Variants in DIP2C observed in about 807,000 individuals in gnomAD.
DIP2C encodes disco-interacting protein 2 homolog C.
Under a neutral mutation model 192.4 loss-of-function variants are expected in DIP2C, and 33 were observed. That is an observed-to-expected ratio of 0.17 (90% confidence interval 0.13 to 0.23). The LOEUF (loss-of-function observed/expected upper bound fraction) is 0.23, where lower values mean the gene tolerates loss of function less well. Among genes scored for constraint, DIP2C ranks in the 10% least tolerant of loss-of-function variants. The probability of loss-of-function intolerance (pLI) is 1.00; values close to 1 mark genes in which losing one functional copy is unlikely to be tolerated. For synonymous variants in DIP2C, 979 were observed against 864.1 expected (o/e 1.13, Z -2.33); for missense variants, 1,537 against 2,110.1 (o/e 0.73, Z 5.32).
intron 1 of DIP2C, among the ~76,000 whole-genome samples, chr10:608,047 A>G (rs1852629077): frequency 6.6e-6 from 1 of 151,312 alleles, no homozygotes; most frequent in African/African-American, 2.4e-5. Context: ...GAATATGCAC[A>G]AATGTTCATC....
At chr10:384,483 C>T in intron 15 of DIP2C, 63 bp downstream of exon 15, 1 of 1,530,618 alleles carries the variant, frequency 6.5e-7, no homozygotes, top group Non-Finnish European at 9.0e-7. Context: ...GGTGATCCAC[C>T]TGCTTTGGCC....
intron 1 of DIP2C, among the ~76,000 whole-genome samples, chr10:559,918 G>A (rs1445558267): frequency 6.6e-6 from 1 of 152,112 alleles, no homozygotes; most frequent in Non-Finnish European, 1.5e-5. Context: ...CAGGAATTCA[G>A]GGAGGTGTTC....
At chr10:354,503 C>A (rs1958979820) in intron 24 of DIP2C, among the ~76,000 whole-genome samples, 1 of 152,140 alleles carries the variant, frequency 6.6e-6, no homozygotes, top group Admixed American at 6.5e-5. Flanking sequence ...CATGAACGTA[C>A]CCAAATCATG....
chr10:286,219 G>A, intron 34 of DIP2C, 54 bp downstream of exon 34: 1 of 1,565,916 alleles, frequency 6.4e-7, no homozygotes. Flanking sequence ...GTCAAGGCAA[G>A]CCAAGGATAC....
chr10:484,712 A>G (rs2133544404), intron 2 of DIP2C: 2 of 1,538,894 alleles, frequency 1.3e-6, no homozygotes, highest in South Asian at 1.2e-5. Context: ...ACGGGATGGC[A>G]CTCGGCGGGT....
chr10:467,584 A>T (rs1970325807), intron 3 of DIP2C, among the ~76,000 whole-genome samples: 1 of 150,828 alleles, frequency 6.6e-6, no homozygotes, highest in Non-Finnish European at 1.5e-5. Context: ...AAAAAAAAGA[A>T]AATGTGGCAT....
chr10:481,070 G>A (rs529649558), intron 2 of DIP2C, among the ~76,000 whole-genome samples: 258 of 152,164 alleles, frequency 1.7e-3, no homozygotes, highest in African/African-American at 5.7e-3. Context: ...TCCCCAGCAC[G>A]TCTAGGAAGC....
intron 8 of DIP2C, among the ~76,000 whole-genome samples, chr10:411,324 C>T (rs919016169): frequency 6.6e-6 from 1 of 152,050 alleles, no homozygotes; most frequent in Non-Finnish European, 1.5e-5. Flanking sequence ...TGAGGCAGGA[C>T]GTGAAGGGAA....
chr10:337,518 TGTGC>T (rs1292307780), intron 29 of DIP2C, among the ~76,000 whole-genome samples: 1 of 141,144 alleles, frequency 7.1e-6, no homozygotes, highest in Non-Finnish European at 1.5e-5. Context: ...TCTGTGTGTG[TGTGC>T]GTGCGTGTGT....
At chr10:503,332 C>A (rs1845382119) in intron 1 of DIP2C, among the ~76,000 whole-genome samples, 4 of 152,158 alleles carry the variant, frequency 2.6e-5, no homozygotes, top group African/African-American at 9.7e-5. Context: ...ATAAACGTTC[C>A]AATTTAAAAA....
At position 689,187 on chromosome 10, in the gene DIP2C, G is replaced by A. The variant is rs1177622790; in HGVS notation, c.85+307C>T. Among the ~76,000 whole-genome samples the A allele has an allele frequency of 6.7e-6, 1 of 150,230 alleles. No homozygotes were observed. The highest frequency in any genetic ancestry group is 1.5e-5 in the Non-Finnish European group (1 of 67,448). ...GATCGCGGCCCCACAAACATCCCAGGGCGCGGGGGATCGCGGCCCCACAAA... is the reference window on the plus strand; with the variant it reads ...GATCGCGGCCCCACAAACATCCCAGAGCGCGGGGGATCGCGGCCCCACAAA... On this transcript the variant is annotated intron_variant, in intron 1 of 36. Coordinates refer to ENST00000280886, the MANE Select transcript of DIP2C (RefSeq NM_014974.3). The surrounding 1 kb of genome is among the most constrained non-coding windows in gnomAD (Gnocchi z 6.1).
chr10:285,511 A>T (rs958606232), intron 34 of DIP2C, among the ~76,000 whole-genome samples: 2 of 152,180 alleles, frequency 1.3e-5, no homozygotes, highest in Non-Finnish European at 2.9e-5. Context: ...CCACCGTGGG[A>T]GGAGGCTGGC....
chr10:559,417 G>C (rs1022952229), intron 1 of DIP2C, among the ~76,000 whole-genome samples: 1 of 152,036 alleles, frequency 6.6e-6, no homozygotes, highest in Non-Finnish European at 1.5e-5. Flanking sequence ...GTCTTTTGTT[G>C]TTTTTGTTGA....
At chr10:471,913 C>G (rs564619931) in intron 3 of DIP2C, among the ~76,000 whole-genome samples, 2 of 152,124 alleles carry the variant, frequency 1.3e-5, no homozygotes, top group African/African-American at 4.8e-5. Flanking sequence ...CCACCACGCC[C>G]GACAGCCTAA....
intron 1 of DIP2C, among the ~76,000 whole-genome samples, chr10:566,823 C>T (rs1372362238): frequency 6.6e-6 from 1 of 152,240 alleles, no homozygotes; most frequent in Non-Finnish European, 1.5e-5. Context: ...GCGTCTATGG[C>T]TGCTGTGATG....
intron 31 of DIP2C, among the ~76,000 whole-genome samples, chr10:315,428 A>AG (rs1956735972): frequency 6.6e-6 from 1 of 152,150 alleles, no homozygotes. Flanking sequence ...ACGATTCTCT[A>AG]GGTTGGCTAA....
rs1252617915 is a variant in DIP2C, at chr10:378,594, GAC to G, written c.1991+4051_1991+4052del. On this transcript the variant is annotated intron_variant, in intron 17 of 36. Transcript: ENST00000280886. ...ATGCAGACATGTGAACGCAGACATA[GAC>G]ACACATGAACAGACATGCATAAAGA... Among the ~76,000 whole-genome samples, 282 of 128,220 alleles carry G rather than the reference GAC, an allele frequency of 2.2e-3. 1 individual carries two copies. Among genetic ancestry groups the G allele is most frequent in the African/African-American group, 7.4e-3 (247 of 33,294 alleles). 84.1% of individuals were successfully genotyped at this position (128,220 alleles called of 152,430 possible). A position where few individuals can be genotyped will look rare whatever the true frequency, so the allele number is the denominator to read the frequency against.
At chr10:496,803 A>G (rs1486267665) in intron 1 of DIP2C, among the ~76,000 whole-genome samples, 1 of 152,188 alleles carries the variant, frequency 6.6e-6, no homozygotes, top group Non-Finnish European at 1.5e-5. Context: ...CTGAGTGCAC[A>G]GAACCCACGG....
chr10:393,814 A>G (rs77716882), intron 10 of DIP2C, among the ~76,000 whole-genome samples: 478 of 147,422 alleles, frequency 3.2e-3, no homozygotes, highest in Middle Eastern at 0.025. Flanking sequence ...AAAGAAAAAG[A>G]AAAAGGAAAA....
Sources: allele counts gnomAD v4.1 joint callset (sites outside exome capture counted in the v4.1 genomes callset), GRCh38; gene constraint gnomAD v4.1.1; non-coding constraint Gnocchi (gnomAD v3.1); transcripts MANE v1.5; gene names NCBI Gene and HGNC (gene_info 2026-07-23, HGNC 2026-07-21).